The following RBFOX2 variants were observed in gnomAD, a reference collection of about 807,000 sequenced individuals.
The protein encoded by RBFOX2 is RNA binding protein fox-1 homolog 2.
In RBFOX2, 10 loss-of-function variants were observed where a neutral mutation model predicts 49.1. The observed-to-expected ratio is 0.20, with a 90% CI of 0.13 to 0.35. The LOEUF (loss-of-function observed/expected upper bound fraction) is 0.35. Among genes scored for constraint, RBFOX2 ranks in the 10% least tolerant of loss-of-function variants. The pLI is 1.00. For synonymous variants in RBFOX2, 183 were observed against 187.4 expected (o/e 0.98, Z 0.19); for missense variants, 323 against 486.9 (o/e 0.66, Z 3.17).
intron 1 of RBFOX2, among the ~76,000 whole-genome samples, chr22:35,825,192 C>T (rs1269889579): frequency 6.6e-6 from 1 of 152,154 alleles, no homozygotes; most frequent in Non-Finnish European, 1.5e-5. Context: ...TGTACTCCAG[C>T]CTGGGAGTGC....
chr22:35,754,002 C>T (rs1221788152), intron 9 of RBFOX2, among the ~76,000 whole-genome samples: 2 of 150,878 alleles, frequency 1.3e-5, no homozygotes, highest in Admixed American at 1.3e-4. Flanking sequence ...AGGCTGGTCT[C>T]GTACTCCTGA....
chr22:35,740,917 C>T (rs1480785609), exon 12 of RBFOX2: 2 of 152,202 alleles, frequency 1.3e-5, no homozygotes, highest in Non-Finnish European at 2.9e-5. Flanking sequence ...AGGAGTCACA[C>T]ATTTGAGGAA....
chr22:36,027,701 T>C (rs1407712134), intron 1 of RBFOX2, among the ~76,000 whole-genome samples: 1 of 152,142 alleles, frequency 6.6e-6, no homozygotes, highest in African/African-American at 2.4e-5. Context: ...CTTGTACTTC[T>C]CACACTCTGT....
At chr22:35,871,091 T>G (rs994200746) in intron 1 of RBFOX2, among the ~76,000 whole-genome samples, 2 of 152,232 alleles carry the variant, frequency 1.3e-5, no homozygotes, top group African/African-American at 4.8e-5. Context: ...CCTGGGTTGG[T>G]ATGTTGGCTA....
At chr22:35,751,899 A>T (rs896381811) in intron 9 of RBFOX2, among the ~76,000 whole-genome samples, 2 of 152,228 alleles carry the variant, frequency 1.3e-5, no homozygotes, top group Non-Finnish European at 2.9e-5. Context: ...CATCTCCCCA[A>T]ATTAGTTCAT....
chr22:35,869,516 G>T (rs1471230646), intron 1 of RBFOX2, among the ~76,000 whole-genome samples: 1 of 144,282 alleles, frequency 6.9e-6, no homozygotes, highest in African/African-American at 2.6e-5. Flanking sequence ...TGTAGACAGG[G>T]TCTCAATATG....
intron 1 of RBFOX2, among the ~76,000 whole-genome samples, chr22:35,952,298 A>G (rs1011286007): frequency 7.9e-5 from 12 of 152,142 alleles, no homozygotes; most frequent in African/African-American, 2.9e-4. Context: ...ATAGCCTTTT[A>G]CTAGTATAAA....
At chr22:35,883,089 A>G (rs1388499051) in intron 1 of RBFOX2, among the ~76,000 whole-genome samples, 1 of 152,214 alleles carries the variant, frequency 6.6e-6, no homozygotes, top group African/African-American at 2.4e-5. Flanking sequence ...AGAATTCTCC[A>G]TGACTTTTGC....
At chr22:35,840,659 G>GTGT, upstream of RBFOX2, 1 of 959,104 alleles carries the variant, frequency 1.0e-6, no homozygotes, top group Non-Finnish European at 1.2e-6. Flanking sequence ...TGTGTGTGTA[G>GTGT]GGGGGAGGAG....
intron 1 of RBFOX2, among the ~76,000 whole-genome samples, chr22:35,815,782 T>A (rs1952904519): frequency 6.6e-6 from 1 of 152,238 alleles, no homozygotes; most frequent in African/African-American, 2.4e-5. Context: ...GAAATTAATT[T>A]TCTAGGATTA....
intron 1 of RBFOX2, among the ~76,000 whole-genome samples, chr22:35,829,932 C>A (rs1005081431): frequency 3.9e-5 from 6 of 152,192 alleles, no homozygotes; most frequent in African/African-American, 1.4e-4. Context: ...CAGGCTTCCA[C>A]TTTCACTAAA....
intron 1 of RBFOX2, among the ~76,000 whole-genome samples, chr22:35,872,087 C>T (rs562423235): frequency 1.8e-4 from 28 of 152,190 alleles, no homozygotes; most frequent in Non-Finnish European, 2.5e-4. Context: ...CAGCACTGTA[C>T]CAAGTGCTGC....
At chr22:35,823,713 GATTT>G (rs1324305793) in intron 1 of RBFOX2, among the ~76,000 whole-genome samples, 1 of 152,166 alleles carries the variant, frequency 6.6e-6, no homozygotes, top group Non-Finnish European at 1.5e-5. Context: ...AGAACTCGAA[GATTT>G]ATTAAAAGAA....
intron 1 of RBFOX2, among the ~76,000 whole-genome samples, chr22:35,971,671 A>G (rs751227250): frequency 6.6e-6 from 1 of 152,120 alleles, no homozygotes. Context: ...CAGGGCAGGC[A>G]AAGGGAGCAG....
At position 35,825,981 on chromosome 22, in the gene RBFOX2, CAAAAAAAAAA is replaced by C. The variant is rs901630936; in HGVS notation, c.27+14201_27+14210del. 1.5e-4 allele frequency among the ~76,000 whole-genome samples: 6 copies of C among 39,860 alleles called. 1 individual carries two copies. The highest frequency in any genetic ancestry group is 5.3e-4 in the Admixed American group (2 of 3,746). The allele number at this position is 39,860 out of a possible 152,430, so 26.1% of individuals were successfully genotyped here. A position where few individuals can be genotyped will look rare whatever the true frequency, so the allele number is the denominator to read the frequency against. Reference sequence around the variant, plus strand: ...TGGGCAAGACAGTGAGACTCCGCTTCAAAAAAAAAAAAAAAAAAAAAAGGAATTAACTAAG... The same window carrying C: ...TGGGCAAGACAGTGAGACTCCGCTTCAAAAAAAAAAAAGGAATTAACTAAG... On this transcript the variant is annotated intron_variant, in intron 1 of 11. Coordinates refer to ENST00000405409, the Ensembl canonical transcript of RBFOX2.
intron 1 of RBFOX2, among the ~76,000 whole-genome samples, chr22:35,869,366 C>T (rs376486455): frequency 6.0e-5 from 9 of 150,702 alleles, no homozygotes; most frequent in African/African-American, 2.2e-4. Flanking sequence ...CTTGTCCAGT[C>T]CAGGCTGGTC....
At chr22:35,978,138 T>C (rs965058483) in intron 1 of RBFOX2, among the ~76,000 whole-genome samples, 36 of 152,060 alleles carry the variant, frequency 2.4e-4, no homozygotes, top group Admixed American at 1.4e-3. Context: ...AGTAAACATA[T>C]TGGGGATAAG....
chr22:35,909,512 T>C lies in RBFOX2; in HGVS notation c.-34+29335A>G, dbSNP rs560670013. On this transcript the variant is annotated intron_variant, in intron 1 of 13. Transcript: ENST00000359369. The stretch of plus-strand genomic sequence containing the variant: ...AAAGGTAATACAACAATTTTAAAAG[T>C]AACGCTAGCAATATTTTTCTTCATT... Among the ~76,000 whole-genome samples the C allele has an allele frequency of 3.9e-5, 6 of 152,286 alleles. No individual in the cohort carries two copies. In the East Asian group the frequency reaches 1.2e-3, roughly 29 times the overall value.
At chr22:36,013,644 C>CAG (rs1157292171) in intron 1 of RBFOX2, among the ~76,000 whole-genome samples, 2 of 148,682 alleles carry the variant, frequency 1.3e-5, no homozygotes, top group Non-Finnish European at 3.0e-5. Flanking sequence ...CACACACACA[C>CAG]ACACAGAGAG....
Sources: allele counts gnomAD v4.1 joint callset (sites outside exome capture counted in the v4.1 genomes callset), GRCh38; gene constraint gnomAD v4.1.1; transcripts MANE v1.5; gene names NCBI Gene and HGNC (gene_info 2026-07-23, HGNC 2026-07-21).